GOLT1A: variants seen among roughly 807,000 people sequenced by gnomAD.
GOLT1A encodes the protein vesicle transport protein GOT1A.
In GOLT1A, 10 loss-of-function variants were observed where a neutral mutation model predicts 16.1. That is an observed-to-expected ratio of 0.62 (90% CI 0.38 to 1.05). The LOEUF is 1.05. Ranked by LOEUF, GOLT1A falls within the 50% of genes least tolerant of loss-of-function variation. The probability of loss-of-function intolerance (pLI) is 0.01; values close to 1 mark genes in which losing one functional copy is unlikely to be tolerated. For synonymous variants in GOLT1A, 60 were observed against 67.9 expected (o/e 0.88, Z 0.57); for missense variants, 137 against 165.7 (o/e 0.83, Z 0.95).
chr1:204,199,647 T>C (rs1658919707), intron 3 of GOLT1A, among the ~76,000 whole-genome samples: 1 of 152,238 alleles, frequency 6.6e-6, no homozygotes, highest in Admixed American at 6.5e-5. Flanking sequence ...ATGACTCTTC[T>C]GGCCTAAAGC....
chr1:204,199,165 C>A, intron 4 of GOLT1A, 30 bp downstream of exon 4: 1 of 1,562,002 alleles, frequency 6.4e-7, no homozygotes, highest in Non-Finnish European at 8.7e-7. Context: ...CCAGGGTACG[C>A]CCGCAGGGCT....
chr1:204,213,847 G>A (rs373306709), intron 1 of GOLT1A, 35 bp downstream of exon 1: 4 of 1,609,738 alleles, frequency 2.5e-6, no homozygotes, highest in Non-Finnish European at 2.5e-6. Context: ...AGCCTGGCCT[G>A]GATAGCCCAT....
chr1:204,209,988 G>A (rs746097496), intron 1 of GOLT1A, among the ~76,000 whole-genome samples: 1 of 152,182 alleles, frequency 6.6e-6, no homozygotes, highest in Non-Finnish European at 1.5e-5. Context: ...AACCCGGGAG[G>A]CAGAGGTTGC....
rs777391007 is a variant in GOLT1A, at chr1:204,201,828, G to A, written c.118-17C>T. ...GAACAGCAGCTGTAGGGGAGGGAGG[G>A]GAGCATGAAGCAAACCCACCAGCCC... is the stretch of plus-strand genomic sequence containing the variant. On this transcript the variant is annotated splice_polypyrimidine_tract_variant and intron_variant, in intron 2 of 4. Coordinates refer to ENST00000308302, the MANE Select transcript of GOLT1A (RefSeq NM_198447.2). 20 of 1,611,320 alleles carry A rather than the reference G, an allele frequency of 1.2e-5. No individual in the cohort carries two copies. The Middle Eastern group carries it at 5.0e-4, about 40-fold the overall frequency.
chr1:204,203,813 C>T (rs1432608428), intron 1 of GOLT1A, among the ~76,000 whole-genome samples: 1 of 151,482 alleles, frequency 6.6e-6, no homozygotes, highest in Non-Finnish European at 1.5e-5. Context: ...GACAGTGAGC[C>T]CCCATTCCCA....
At position 204,200,299 on chromosome 1, in the gene GOLT1A, G is replaced by GTATATATATA. The variant is rs141284578; in HGVS notation, c.297-1051_297-1042dup. Among the ~76,000 whole-genome samples the GTATATATATA allele has an allele frequency of 7.9e-4, 65 of 82,654 alleles. 3 individuals carry two copies. Among genetic ancestry groups the GTATATATATA allele is most frequent in the South Asian group, 1.8e-3 (5 of 2,790 alleles). The allele number at this position is 82,654 out of a possible 152,430, so 54.2% of individuals were successfully genotyped here. On this transcript the variant is annotated intron_variant, in intron 3 of 4. Transcript: ENST00000308302. ...GACTGTTTGAAAATGACATATATGT[G>GTATATATATA]TATATATATATATATATATATGTTT...
At chr1:204,205,822 C>A (rs568024695) in intron 1 of GOLT1A, among the ~76,000 whole-genome samples, 1 of 152,300 alleles carries the variant, frequency 6.6e-6, no homozygotes, top group African/African-American at 2.4e-5. Flanking sequence ...GTAATCCCAG[C>A]ACTTTGGGAG....
intron 1 of GOLT1A, among the ~76,000 whole-genome samples, chr1:204,208,476 G>GTGTATATATA (rs1286299770): frequency 4.3e-3 from 170 of 39,842 alleles, no homozygotes; most frequent in Middle Eastern, 0.013. Flanking sequence ...GTGTGTGTGT[G>GTGTATATATA]TATATATATA....
intron 4 of GOLT1A, chr1:204,198,847 G>A (rs897029758): frequency 1.5e-5 from 7 of 468,716 alleles, no homozygotes; most frequent in South Asian, 3.2e-5. Flanking sequence ...CCTGGGGCCC[G>A]CACTTAGCCA....
At chr1:204,208,476 G>GTGTGTGTA (rs1286299770) in intron 1 of GOLT1A, among the ~76,000 whole-genome samples, 69 of 39,938 alleles carry the variant, frequency 1.7e-3, no homozygotes, top group African/African-American at 4.9e-3. Flanking sequence ...GTGTGTGTGT[G>GTGTGTGTA]TATATATATA....
chr1:204,200,299 G>GTGTGTGTGTGTATATATATATATATATA, intron 3 of GOLT1A, among the ~76,000 whole-genome samples: 6 of 82,680 alleles, frequency 7.3e-5, no homozygotes, highest in Admixed American at 2.4e-4. Context: ...ACATATATGT[G>GTGTGTGTGTGTATATATATATATATATA]TATATATATA....
chr1:204,212,872 T>G (rs1403716547), intron 1 of GOLT1A, among the ~76,000 whole-genome samples: 1 of 152,098 alleles, frequency 6.6e-6, no homozygotes, highest in African/African-American at 2.4e-5. Context: ...TTGCTCCAGG[T>G]ATACCCACCT....
chr1:204,207,979 G>A (rs1659071031), intron 1 of GOLT1A, among the ~76,000 whole-genome samples: 1 of 152,108 alleles, frequency 6.6e-6, no homozygotes, highest in African/African-American at 2.4e-5. Context: ...TGCAAGAATG[G>A]CCATAATCAA....
At chr1:204,202,702 G>C (rs527431350) in intron 2 of GOLT1A, among the ~76,000 whole-genome samples, 194 bp downstream of exon 2, 30 of 152,126 alleles carry the variant, frequency 2.0e-4, no homozygotes, top group Admixed American at 6.5e-4. Flanking sequence ...TCCATTTCCT[G>C]TGCCCTCCTC....
intron 3 of GOLT1A, among the ~76,000 whole-genome samples, chr1:204,199,880 G>C (rs777675226): frequency 6.6e-6 from 1 of 152,194 alleles, no homozygotes; most frequent in East Asian, 1.9e-4. Context: ...GCCAAGGCTG[G>C]CATGGGAAGG....
At chr1:204,207,853 A>G (rs1659068994) in intron 1 of GOLT1A, among the ~76,000 whole-genome samples, 1 of 152,182 alleles carries the variant, frequency 6.6e-6, no homozygotes, top group African/African-American at 2.4e-5. Context: ...AAGGACATGA[A>G]TAGACAATTC....
rs1658986301 is a variant in GOLT1A at position 204,202,982 on chromosome 1, C to T, written c.31G>A (p.Gly11Ser). The stretch of plus-strand genomic sequence containing the variant: ...ATGCCGAAACCGGTGATCCCCACAC[C>T]AATCTCTGCAATGGGCAAGGAGGTG... Reference protein sequence around the residue: MISITEWQKIGVGITGFGIFF... With the variant: MISITEWQKISVGITGFGIFF... Residue 11 changes from glycine to serine, a missense_variant, in exon 2 of 5, where the codon GGT becomes AGT. Transcript: ENST00000308302. The T allele has an allele frequency of 1.9e-6, 3 of 1,613,502 alleles. No individual in the cohort carries two copies. The highest frequency in any genetic ancestry group is 1.6e-4 in the Middle Eastern group (1 of 6,068).
rs772141689 is a variant in GOLT1A, at chr1:204,213,931, C to T, written c.-25G>A. ...TGCCGCACTCAGCCTGGGGGGCTTT[C>T]CGGGTGGAAGCGGGCAAGTGGAGCG... On this transcript the variant is annotated 5_prime_UTR_variant, in exon 1 of 5. Transcript: ENST00000308302. 2.5e-6 allele frequency: 4 copies of T among 1,612,128 alleles called. No individual in the cohort carries two copies. The South Asian group carries it at 4.4e-5, about 18-fold the overall frequency.
chr1:204,200,319 ATG>A (rs1658935276), intron 3 of GOLT1A, among the ~76,000 whole-genome samples: 1 of 113,552 alleles, frequency 8.8e-6, no homozygotes, highest in Non-Finnish European at 1.7e-5. Flanking sequence ...ATATATATAT[ATG>A]TTTTTGTTTT....
Sources: gnomAD v4.1 joint callset for allele counts (sites outside exome capture counted in the v4.1 genomes callset) on GRCh38, gnomAD v4.1.1 for gene constraint, MANE v1.5 for transcripts, NCBI Gene and HGNC (gene_info 2026-07-23, HGNC 2026-07-21) for gene names.